GLIS3: variants seen among roughly 807,000 people sequenced by gnomAD.
GLIS3 encodes the protein zinc finger protein GLIS3.
Under a neutral mutation model 78.6 loss-of-function variants are expected in GLIS3, and 53 were observed. The observed-to-expected ratio is 0.67, with a 90% CI of 0.54 to 0.85. The LOEUF (loss-of-function observed/expected upper bound fraction) is 0.85. GLIS3 is among the 40% of genes least tolerant of loss of function. The pLI is 0.00. For synonymous variants in GLIS3, 684 were observed against 509.9 expected, an observed-to-expected ratio of 1.34 and a Z score of -4.60; for missense variants, 1,703 against 1,231.1, an observed-to-expected ratio of 1.38 and a Z score of -5.74.
At chr9:4,268,100 T>A (rs1352994023) in intron 2 of GLIS3, among the ~76,000 whole-genome samples, 1 of 152,140 alleles carries the variant, frequency 6.6e-6, no homozygotes, top group Admixed American at 6.5e-5. Flanking sequence ...GGCTTAGTGA[T>A]TAAAAGCATG....
chr9:4,252,837 G>A (rs1033937411), intron 2 of GLIS3, among the ~76,000 whole-genome samples: 1 of 152,156 alleles, frequency 6.6e-6, no homozygotes, highest in African/African-American at 2.4e-5. Flanking sequence ...ATTCCTTTCT[G>A]TTTGTTAGTT....
At chr9:4,235,323 G>C (rs1486990151) in intron 2 of GLIS3, among the ~76,000 whole-genome samples, 1 of 119,468 alleles carries the variant, frequency 8.4e-6, no homozygotes, top group Non-Finnish European at 1.7e-5. Flanking sequence ...AAAACTGATG[G>C]GGGGAGTCAT....
intron 8 of GLIS3, among the ~76,000 whole-genome samples, chr9:3,864,068 C>G (rs534895244): frequency 2.0e-5 from 3 of 152,102 alleles, no homozygotes; most frequent in East Asian, 3.9e-4. Flanking sequence ...CTGCCAAATC[C>G]TCTCTTTAAA....
At chr9:4,468,863 C>G in the GLIS3 span, among the ~76,000 whole-genome samples, 3 of 152,108 alleles carry the variant, frequency 2.0e-5, no homozygotes, top group Non-Finnish European at 2.9e-5. Flanking sequence ...AGAGTCAAGA[C>G]CCATCAGTGT....
chr9:4,319,422 T>G (rs1405889045), intron 2 of GLIS3, among the ~76,000 whole-genome samples: 1 of 152,254 alleles, frequency 6.6e-6, no homozygotes, highest in Admixed American at 6.5e-5. Context: ...CATTATTCTA[T>G]TCTTGCAACT....
intron 9 of GLIS3, among the ~76,000 whole-genome samples, chr9:3,839,333 A>G (rs1306155760): frequency 2.0e-5 from 3 of 152,226 alleles, no homozygotes; most frequent in African/African-American, 7.2e-5. Flanking sequence ...AATGGGCAGC[A>G]GAATGAAAAC....
intron 2 of GLIS3, among the ~76,000 whole-genome samples, chr9:4,256,649 C>T (rs144519502): frequency 5.3e-5 from 8 of 152,224 alleles, no homozygotes; most frequent in Non-Finnish European, 8.8e-5. Context: ...AAAAGGTCTA[C>T]GTAACACAAT....
chr9:4,440,376 T>C, the GLIS3 span, among the ~76,000 whole-genome samples: 1 of 152,286 alleles, frequency 6.6e-6, no homozygotes, highest in South Asian at 2.1e-4. Flanking sequence ...TATATAAGGG[T>C]CTAGTTCCCT....
chr9:4,237,220 A>T (rs1822848270), intron 2 of GLIS3, among the ~76,000 whole-genome samples: 1 of 152,078 alleles, frequency 6.6e-6, no homozygotes, highest in Admixed American at 6.6e-5. Flanking sequence ...TATCCTTCAA[A>T]ATAACCTAAA....
intron 4 of GLIS3, among the ~76,000 whole-genome samples, chr9:4,062,304 T>C (rs1826720681): frequency 6.6e-6 from 1 of 152,196 alleles, no homozygotes; most frequent in African/African-American, 2.4e-5. Context: ...CGACTGTCAG[T>C]TTCCCATATT....
the GLIS3 span, among the ~76,000 whole-genome samples, chr9:4,413,436 G>C: frequency 1.3e-5 from 2 of 152,096 alleles, no homozygotes; most frequent in East Asian, 1.9e-4. Flanking sequence ...TTCTATAAGA[G>C]TTGTACTTGC....
the GLIS3 span, among the ~76,000 whole-genome samples, chr9:4,450,167 C>A: frequency 6.6e-6 from 1 of 152,076 alleles, no homozygotes; most frequent in Non-Finnish European, 1.5e-5. Context: ...CCTGATGGAG[C>A]TGAAAATCAC....
the GLIS3 span, among the ~76,000 whole-genome samples, chr9:4,433,817 C>T: frequency 6.6e-6 from 1 of 152,172 alleles, no homozygotes; most frequent in Non-Finnish European, 1.5e-5. Flanking sequence ...GAGTGGTTGG[C>T]GGGGCGCCGC....
chr9:3,851,099 A>G (rs1210837931), intron 9 of GLIS3, among the ~76,000 whole-genome samples: 1 of 152,328 alleles, frequency 6.6e-6, no homozygotes, highest in Middle Eastern at 3.4e-3. Flanking sequence ...ATGGGCCCAG[A>G]AGCAGGAAAG....
chr9:4,047,314 T>C (rs1030873908), intron 4 of GLIS3, among the ~76,000 whole-genome samples: 1 of 152,186 alleles, frequency 6.6e-6, no homozygotes, highest in Non-Finnish European at 1.5e-5. Flanking sequence ...ATTAAACCTC[T>C]TTCCTTTATA....
the GLIS3 span, among the ~76,000 whole-genome samples, chr9:4,442,928 G>A: frequency 6.6e-6 from 1 of 152,038 alleles, no homozygotes; most frequent in Non-Finnish European, 1.5e-5. Flanking sequence ...ATTCCCTAGG[G>A]TGATAATTGA....
intron 4 of GLIS3, among the ~76,000 whole-genome samples, chr9:4,043,404 G>A (rs1318639511): frequency 6.6e-6 from 1 of 152,052 alleles, no homozygotes; most frequent in Non-Finnish European, 1.5e-5. Flanking sequence ...GTGAGGGTGG[G>A]GAGCAGTTCT....
At chr9:4,422,346 A>G in the GLIS3 span, among the ~76,000 whole-genome samples, 1 of 152,372 alleles carries the variant, frequency 6.6e-6, no homozygotes, top group Admixed American at 6.5e-5. Context: ...CTAGTAAGAC[A>G]GACAGGCCTT....
At chr9:4,176,511 ACTT>A (rs1181915640) in intron 2 of GLIS3, among the ~76,000 whole-genome samples, 1 of 152,178 alleles carries the variant, frequency 6.6e-6, no homozygotes, top group African/African-American at 2.4e-5. Flanking sequence ...CATTAAGTCT[ACTT>A]AACTATTTCT....
Sources: allele counts gnomAD v4.1 joint callset (sites outside exome capture counted in the v4.1 genomes callset), GRCh38; gene constraint gnomAD v4.1.1; transcripts MANE v1.5; gene names NCBI Gene and HGNC (gene_info 2026-07-23, HGNC 2026-07-21).